Variants in NEGR1 observed in about 807,000 individuals in gnomAD.
NEGR1 encodes neuronal growth regulator 1.
NEGR1 carries 10 observed loss-of-function variants against 40.9 expected under a neutral mutation model. The ratio of observed to expected loss-of-function variants is 0.24; its 90% CI spans 0.15 to 0.42. The LOEUF (loss-of-function observed/expected upper bound fraction) is 0.42, where lower values mean the gene tolerates loss of function less well. Ranked by LOEUF, NEGR1 falls within the 10% of genes least tolerant of loss-of-function variation. The pLI is 1.00. For synonymous variants in NEGR1, 185 were observed against 166.8 expected (o/e 1.11, Z -0.84); for missense variants, 352 against 438.9 (o/e 0.80, Z 1.77).
At position 72,056,897 on chromosome 1, in the gene NEGR1, A is replaced by T. The variant is rs554086485; in HGVS notation, c.177-121586T>A. Reference sequence around the variant, plus strand: ...CTCTGAACTGTTTGTGTAATTCCACATAGTTATATTACACATGGATCCTTC... The same window carrying T: ...CTCTGAACTGTTTGTGTAATTCCACTTAGTTATATTACACATGGATCCTTC... On this transcript the variant is annotated intron_variant, in intron 1 of 6. Transcript: ENST00000357731. Among the ~76,000 whole-genome samples the T allele has an allele frequency of 1.3e-4, 19 of 151,620 alleles. No homozygotes were observed. The South Asian group carries it at 3.3e-3, about 27-fold the overall frequency.
chr1:71,535,606 C>T (rs1557558525), intron 6 of NEGR1, among the ~76,000 whole-genome samples: 8 of 151,604 alleles, frequency 5.3e-5, no homozygotes, highest in Admixed American at 3.3e-4. Flanking sequence ...TTATGTAAAA[C>T]AAGAATTGAG....
At chr1:71,734,664 T>C (rs1001828913) in intron 3 of NEGR1, among the ~76,000 whole-genome samples, 1 of 152,132 alleles carries the variant, frequency 6.6e-6, no homozygotes, top group African/African-American at 2.4e-5. Flanking sequence ...CCACACTTCC[T>C]TAAAGACTAG....
At chr1:72,142,377 T>A (rs1169576007) in intron 1 of NEGR1, among the ~76,000 whole-genome samples, 2 of 151,926 alleles carry the variant, frequency 1.3e-5, no homozygotes, top group Non-Finnish European at 2.9e-5. Context: ...CTATTGAATA[T>A]AATTTTAAGT....
chr1:71,711,269 C>CG (rs1557623312), intron 3 of NEGR1, among the ~76,000 whole-genome samples: 1 of 126,780 alleles, frequency 7.9e-6, no homozygotes, highest in African/African-American at 2.9e-5. Flanking sequence ...GGCGTGAACC[C>CG]GGGGGGCGGA....
intron 2 of NEGR1, among the ~76,000 whole-genome samples, chr1:71,841,392 C>T (rs957033773): frequency 4.6e-5 from 7 of 152,072 alleles, no homozygotes; most frequent in East Asian, 1.9e-4. Flanking sequence ...AAATTAAATT[C>T]GATTTACTAG....
chr1:71,897,996 C>T (rs546004234), intron 2 of NEGR1, among the ~76,000 whole-genome samples: 49 of 152,180 alleles, frequency 3.2e-4, no homozygotes, highest in South Asian at 1.7e-3. Context: ...TTTTACTTTA[C>T]GGATAGTATT....
chr1:72,043,456 GCTTATGTATAACA>G (rs1397355769), intron 1 of NEGR1, among the ~76,000 whole-genome samples: 1 of 151,500 alleles, frequency 6.6e-6, no homozygotes, highest in Non-Finnish European at 1.5e-5. Flanking sequence ...TGAGGTAAAT[GCTTATGTATAACA>G]TTTTCTTATA....
intron 2 of NEGR1, among the ~76,000 whole-genome samples, chr1:71,898,378 G>C (rs1006608280): frequency 5.9e-5 from 9 of 152,206 alleles, no homozygotes; most frequent in Non-Finnish European, 7.3e-5. Context: ...CACTTTGGGA[G>C]GCTGAGGCGG....
At chr1:71,419,855 CA>C (rs1004122521) in intron 6 of NEGR1, among the ~76,000 whole-genome samples, 2 of 143,860 alleles carry the variant, frequency 1.4e-5, no homozygotes, top group South Asian at 2.2e-4. Flanking sequence ...GGGGCAGGCA[CA>C]AAAAAATCAG....
At chr1:71,471,596 C>T (rs143718828) in intron 6 of NEGR1, among the ~76,000 whole-genome samples, 69 of 152,136 alleles carry the variant, frequency 4.5e-4, no homozygotes, top group African/African-American at 1.6e-3. Flanking sequence ...CAGTAAGCCA[C>T]AGGACTCCAG....
intron 1 of NEGR1, among the ~76,000 whole-genome samples, chr1:72,151,986 T>C (rs1387895384): frequency 1.3e-5 from 2 of 151,762 alleles, no homozygotes; most frequent in Admixed American, 6.6e-5. Context: ...ATTAAAATAA[T>C]AGATACAGAA....
At chr1:71,409,675 T>G (rs971384432) in intron 6 of NEGR1, among the ~76,000 whole-genome samples, 1 of 152,076 alleles carries the variant, frequency 6.6e-6, no homozygotes, top group Non-Finnish European at 1.5e-5. Flanking sequence ...TCCAACAGAT[T>G]TAAACTCTTC....
At chr1:71,648,917 C>T (rs979192043) in intron 4 of NEGR1, among the ~76,000 whole-genome samples, 1 of 151,984 alleles carries the variant, frequency 6.6e-6, no homozygotes, top group East Asian at 1.9e-4. Context: ...CTTCTTCATT[C>T]GTTCCATTCA....
intron 6 of NEGR1, among the ~76,000 whole-genome samples, chr1:71,522,753 A>ACG (rs1553147923): frequency 2.0e-5 from 3 of 149,422 alleles, no homozygotes; most frequent in Non-Finnish European, 3.0e-5. Flanking sequence ...ACACACACAC[A>ACG]CACGCACAAT....
chr1:71,909,234 C>T (rs1661360431), intron 2 of NEGR1, among the ~76,000 whole-genome samples: 1 of 152,174 alleles, frequency 6.6e-6, no homozygotes, highest in Non-Finnish European at 1.5e-5. Flanking sequence ...TGCCACGTAG[C>T]AGGGCATATC....
intron 3 of NEGR1, among the ~76,000 whole-genome samples, chr1:71,722,944 T>A (rs1654557421): frequency 6.6e-6 from 1 of 152,092 alleles, no homozygotes; most frequent in South Asian, 2.1e-4. Flanking sequence ...AACTACAGCT[T>A]CTTTTGTCAT....
At chr1:72,058,547 A>G (rs576755131) in intron 1 of NEGR1, among the ~76,000 whole-genome samples, 196 of 151,802 alleles carry the variant, frequency 1.3e-3, no homozygotes, top group African/African-American at 4.5e-3. Flanking sequence ...GGCTGTGTCT[A>G]GTTTGTTTCA....
chr1:72,049,580 G>A (rs889299229), intron 1 of NEGR1, among the ~76,000 whole-genome samples: 1 of 151,574 alleles, frequency 6.6e-6, no homozygotes, highest in Non-Finnish European at 1.5e-5. Context: ...TGGATACACA[G>A]CTCTATAGCA....
intron 1 of NEGR1, among the ~76,000 whole-genome samples, chr1:71,950,551 C>A (rs1229068918): frequency 1.3e-5 from 2 of 151,958 alleles, no homozygotes; most frequent in Non-Finnish European, 2.9e-5. Flanking sequence ...AGTTCTCTAC[C>A]TTAGCCATTA....
Sources: gnomAD v4.1 joint callset for allele counts (sites outside exome capture counted in the v4.1 genomes callset) on GRCh38, gnomAD v4.1.1 for gene constraint, MANE v1.5 for transcripts, NCBI Gene and HGNC (gene_info 2026-07-23, HGNC 2026-07-21) for gene names.